PALM: variants seen among roughly 807,000 people sequenced by gnomAD.
PALM encodes the protein paralemmin-1.
A neutral mutation model predicts 30.7 loss-of-function variants in PALM; 18 were observed. That is an observed-to-expected ratio of 0.59 (90% CI 0.41 to 0.87). PALM has a LOEUF of 0.87. PALM is among the 40% of genes least tolerant of loss of function. The pLI, the probability that PALM is intolerant of heterozygous loss-of-function variation, is 0.00. For synonymous variants in PALM, 286 were observed against 242.8 expected (o/e 1.18, Z -1.66); for missense variants, 529 against 555.4 (o/e 0.95, Z 0.48).
In PALM at chr19:726,184, A is replaced by G. The variant is rs1346667554; in HGVS notation, c.52A>G (p.Ile18Val). Residue 18 changes from isoleucine to valine, a missense_variant, in exon 2 of 9, where the codon ATC (isoleucine) becomes GTC (valine). Coordinates refer to ENST00000338448, the MANE Select transcript of PALM (RefSeq NM_002579.3). The stretch of plus-strand genomic sequence containing the variant: ...GTCCCAGCAGGAGCGGCTGCAGGCC[A>G]TCGCAGTGAGTTTCCGCCGCCCCGC... The part of the protein sequence containing the change: ...TTSQQERLQA[I>V]AEKRKRQAEI... The G allele has an allele frequency of 1.5e-5, 25 of 1,613,078 alleles. No homozygotes were observed. Among genetic ancestry groups the G allele is most frequent in the Non-Finnish European group, 2.0e-5 (24 of 1,179,766 alleles).
At chr19:741,916 A>G (rs2033207755) in intron 8 of PALM, among the ~76,000 whole-genome samples, 1 of 152,162 alleles carries the variant, frequency 6.6e-6, no homozygotes, top group Middle Eastern at 3.2e-3. Flanking sequence ...ATGCCATCAC[A>G]GCTCACTGCA....
intron 1 of PALM, chr19:722,983 C>G (rs892623374): frequency 6.6e-6 from 1 of 152,430 alleles, no homozygotes; most frequent in Admixed American, 6.5e-5. Context: ...ACTTCACAGG[C>G]CTCAGCAGGG....
At chr19:725,223 G>A (rs1018817626) in intron 1 of PALM, among the ~76,000 whole-genome samples, 25 of 151,830 alleles carry the variant, frequency 1.6e-4, no homozygotes, top group Non-Finnish European at 2.2e-4. Flanking sequence ...TACCAGCCCT[G>A]GGAGGTGAGG....
At chr19:741,924 G>A (rs919842695) in intron 8 of PALM, among the ~76,000 whole-genome samples, 3 of 152,148 alleles carry the variant, frequency 2.0e-5, no homozygotes, top group Admixed American at 1.3e-4. Flanking sequence ...ACAGCTCACT[G>A]CAGCCTCCAG....
rs569813753 is a variant in PALM, at chr19:734,621, G to A, written c.442+427G>A. The A allele has an allele frequency of 3.2e-5, 6 of 189,950 alleles. No homozygotes were observed. The South Asian group carries it at 5.2e-4, about 16-fold the overall frequency. 11.8% of individuals were successfully genotyped at this position (189,950 alleles called of 1,614,324 possible). ...AGCGCTCTGGGAGGCTGAGACAGGT[G>A]GATCCCTTGAGGTCAGGAGTTCAAG... On this transcript the variant is annotated intron_variant, in intron 6 of 8. Transcript: ENST00000338448.
intron 4 of PALM, among the ~76,000 whole-genome samples, chr19:728,232 C>T (rs570491735): frequency 2.0e-5 from 3 of 152,166 alleles, no homozygotes; most frequent in Non-Finnish European, 4.4e-5. Flanking sequence ...GGGCTGGGAC[C>T]AAAGGCCTGG....
intron 1 of PALM, chr19:719,380 A>C: frequency 1.0e-6 from 1 of 985,516 alleles, no homozygotes; most frequent in Non-Finnish European, 1.2e-6. Context: ...CACGCGCTCC[A>C]GACGACGCCC....
intron 5 of PALM, among the ~76,000 whole-genome samples, chr19:732,804 TG>T: frequency 6.6e-6 from 1 of 151,414 alleles, no homozygotes; most frequent in Non-Finnish European, 1.5e-5. Flanking sequence ...GCCGAAGAGG[TG>T]GGAAGCCCAG....
At chr19:730,430 C>T (rs1293720788) in intron 4 of PALM, among the ~76,000 whole-genome samples, 3 of 152,164 alleles carry the variant, frequency 2.0e-5, no homozygotes, top group African/African-American at 7.2e-5. Context: ...CCCGTTATCT[C>T]TTCTAATACT....
chr19:714,252 C>T (rs1282473658), intron 1 of PALM, among the ~76,000 whole-genome samples: 9 of 150,058 alleles, frequency 6.0e-5, no homozygotes, highest in Non-Finnish European at 7.4e-5. Flanking sequence ...GTTGGCCAGG[C>T]TGGTCTTGAA....
At chr19:736,366 C>G (rs1001112382) in intron 7 of PALM, among the ~76,000 whole-genome samples, 1 of 152,188 alleles carries the variant, frequency 6.6e-6, no homozygotes, top group African/African-American at 2.4e-5. Flanking sequence ...TCATTCCACC[C>G]TAATCTCACG....
chr19:737,648 G>T (rs2033062194), intron 7 of PALM, among the ~76,000 whole-genome samples: 2 of 152,188 alleles, frequency 1.3e-5, no homozygotes, highest in Admixed American at 1.3e-4. Flanking sequence ...CTGGAGGAAG[G>T]TGTCCAAGGC....
At chr19:726,061 A>C in intron 1 of PALM, 77 bp from the exon 2 acceptor site, 1 of 1,112,522 alleles carries the variant, frequency 9.0e-7, no homozygotes, top group Non-Finnish European at 1.4e-6. Context: ...GGGAAGAGGC[A>C]GAGCTGGGAT....
At chr19:719,614 C>G (rs1367717280) in intron 1 of PALM, 1 of 986,384 alleles carries the variant, frequency 1.0e-6, no homozygotes, top group Non-Finnish European at 1.2e-6. Context: ...CCGCCCTGAG[C>G]TTTTCCACGC....
At chr19:722,561 C>T (rs565424592) in intron 1 of PALM, 1 of 152,406 alleles carries the variant, frequency 6.6e-6, no homozygotes, top group South Asian at 2.1e-4. Context: ...GAAGCTGCCT[C>T]TGGCTGGCGG....
At chr19:718,748 G>A (rs1246622463) in intron 1 of PALM, among the ~76,000 whole-genome samples, 1 of 148,970 alleles carries the variant, frequency 6.7e-6, no homozygotes, top group Non-Finnish European at 1.5e-5. Flanking sequence ...CTGGAAGGCT[G>A]CCTGGAGGAG....
intron 1 of PALM, among the ~76,000 whole-genome samples, chr19:720,219 CG>C (rs2032418798): frequency 6.6e-6 from 1 of 151,944 alleles, no homozygotes; most frequent in Non-Finnish European, 1.5e-5. Context: ...CCCCGCGCGC[CG>C]GGCCTCGGCG....
At chr19:734,824 C>T in intron 6 of PALM, 1 of 158,370 alleles carries the variant, frequency 6.3e-6, no homozygotes, top group Admixed American at 6.2e-5. Context: ...AGAGCGAGAC[C>T]CTGTCTGTAA....
In PALM at chr19:742,616, A is replaced by AAAAG. The variant is rs35650635; in HGVS notation, c.634+2141_634+2144dup. 0.63 allele frequency among the ~76,000 whole-genome samples: 92,846 copies of AAAAG among 147,536 alleles called. 29,888 individuals are homozygous for AAAAG. The highest frequency in any genetic ancestry group is 0.7 in the Non-Finnish European group (46,580 of 66,936). On this transcript the variant is annotated intron_variant, in intron 8 of 8. Coordinates refer to ENST00000338448, the MANE Select transcript of PALM (RefSeq NM_002579.3). The surrounding 1 kb of genome is among the most constrained non-coding windows in gnomAD (Gnocchi z 5.5). Reference sequence around the variant, plus strand: ...GTGAAACTCTGTCTCAAAAAAAAAAAAAAGAAAGAAAAGAGAATAAATGGG... The same window carrying AAAAG: ...GTGAAACTCTGTCTCAAAAAAAAAAAAAAGAAAGAAAGAAAAGAGAATAAATGGG...
Sources: allele counts gnomAD v4.1 joint callset (sites outside exome capture counted in the v4.1 genomes callset), GRCh38; gene constraint gnomAD v4.1.1; non-coding constraint Gnocchi (gnomAD v3.1); transcripts MANE v1.5; gene names NCBI Gene and HGNC (gene_info 2026-07-23, HGNC 2026-07-21).